The following NEDD4 variants were observed in gnomAD, a reference collection of about 807,000 sequenced individuals.
NEDD4 encodes E3 ubiquitin-protein ligase NEDD4.
In NEDD4, 99 loss-of-function variants were observed where a neutral mutation model predicts 144.9. That is an observed-to-expected ratio of 0.68 (90% CI 0.58 to 0.81). NEDD4 has a LOEUF of 0.81. NEDD4 is among the 30% of genes least tolerant of loss of function. The pLI is 0.00. For synonymous variants in NEDD4, 318 were observed against 350.6 expected, an observed-to-expected ratio of 0.91 and a Z score of 1.04; for missense variants, 985 against 1,065.9, an observed-to-expected ratio of 0.92 and a Z score of 1.06.
chr15:55,958,115 T>A (rs532097387), intron 2 of NEDD4, among the ~76,000 whole-genome samples: 14 of 150,744 alleles, frequency 9.3e-5, no homozygotes, highest in Admixed American at 8.6e-4. Context: ...ACTTAACGTA[T>A]AATAAAAAAA....
At chr15:55,875,245 A>ATT (rs1441956371) in intron 5 of NEDD4, among the ~76,000 whole-genome samples, 1 of 152,236 alleles carries the variant, frequency 6.6e-6, no homozygotes, top group Non-Finnish European at 1.5e-5. Context: ...GTCATAATGA[A>ATT]TGAAAAGATG....
intron 5 of NEDD4, among the ~76,000 whole-genome samples, chr15:55,901,543 A>G (rs1242100883): frequency 6.6e-6 from 1 of 152,152 alleles, no homozygotes; most frequent in Non-Finnish European, 1.5e-5. Context: ...CTTAATTGTT[A>G]ATAGGCTTTA....
chr15:55,954,586 G>A (rs1039290633), intron 2 of NEDD4, among the ~76,000 whole-genome samples: 2 of 151,744 alleles, frequency 1.3e-5, no homozygotes, highest in East Asian at 3.9e-4. Flanking sequence ...ATGCAATGGC[G>A]CGATCTCGGC....
At chr15:55,966,010 A>T (rs2037506160) in intron 2 of NEDD4, among the ~76,000 whole-genome samples, 1 of 151,980 alleles carries the variant, frequency 6.6e-6, no homozygotes, top group Non-Finnish European at 1.5e-5. Context: ...GGCCATGAAG[A>T]CTACAATTTT....
chr15:55,977,457 T>G (rs149511196), intron 1 of NEDD4, among the ~76,000 whole-genome samples: 5 of 152,350 alleles, frequency 3.3e-5, no homozygotes, highest in African/African-American at 7.2e-5. Context: ...GACACATTTC[T>G]CAGAATGTAT....
At position 55,946,061 on chromosome 15, in the gene NEDD4, T is replaced by C. The variant is rs561061906; in HGVS notation, c.237+5315A>G. 6.5e-4 allele frequency among the ~76,000 whole-genome samples: 99 copies of C among 152,268 alleles called. 1 individual carries two copies. In the Middle Eastern group the frequency reaches 0.014, roughly 21 times the overall value. On this transcript the variant is annotated intron_variant, in intron 4 of 28. Coordinates refer to ENST00000435532, the MANE Select transcript of NEDD4 (RefSeq NM_006154.4). The stretch of plus-strand genomic sequence containing the variant: ...GCCACTGCAAAACCATGCCAAATTA[T>C]AAAGATCATCGATGCTATGAAGAAA...
chr15:55,985,335 C>T (rs1170846043), intron 1 of NEDD4, among the ~76,000 whole-genome samples: 1 of 152,112 alleles, frequency 6.6e-6, no homozygotes, highest in Non-Finnish European at 1.5e-5. Context: ...TTGGCATGCT[C>T]GCCAGCACGG....
chr15:55,928,492 T>C (rs150924874), intron 4 of NEDD4, among the ~76,000 whole-genome samples: 277 of 152,354 alleles, frequency 1.8e-3, no homozygotes, highest in Non-Finnish European at 2.2e-3. Flanking sequence ...CCTTGTGTCC[T>C]ACAAATGTCC....
chr15:55,852,973 C>T (rs2142013413), intron 12 of NEDD4, among the ~76,000 whole-genome samples: 1 of 152,068 alleles, frequency 6.6e-6, no homozygotes, highest in East Asian at 1.9e-4. Flanking sequence ...TGGTCTCGAA[C>T]TCCTAATCTC....
At chr15:55,930,495 T>C (rs1244505608) in intron 4 of NEDD4, among the ~76,000 whole-genome samples, 1 of 152,180 alleles carries the variant, frequency 6.6e-6, no homozygotes, top group African/African-American at 2.4e-5. Flanking sequence ...TCCATTCAAC[T>C]AGTTGGAATC....
intron 18 of NEDD4, among the ~76,000 whole-genome samples, chr15:55,843,327 A>G (rs140081916): frequency 1.4e-4 from 22 of 152,360 alleles, no homozygotes; most frequent in Admixed American, 3.3e-4. Context: ...GAAAGCTACT[A>G]TTATTGTCTT....
rs1459488295 is a variant in NEDD4 at position 55,916,116 on chromosome 15, T to A, written c.291+8530A>T. ...AATCTCTAATCCATGTTCCAAGTCA[T>A]CCTGGACAAAAGGATCTGTACTTGT... On this transcript the variant is annotated intron_variant, in intron 5 of 28. Coordinates refer to ENST00000435532, the MANE Select transcript of NEDD4 (RefSeq NM_006154.4). 3 of 1,613,842 alleles carry A rather than the reference T, an allele frequency of 1.9e-6. No homozygotes were observed. The East Asian group carries it at 6.7e-5, about 36-fold the overall frequency.
intron 18 of NEDD4, among the ~76,000 whole-genome samples, chr15:55,843,851 G>C (rs2033624231): frequency 6.6e-6 from 1 of 152,058 alleles, no homozygotes; most frequent in South Asian, 2.1e-4. Flanking sequence ...TGGGCCAGGT[G>C]GTATTGTAGT....
intron 5 of NEDD4, among the ~76,000 whole-genome samples, chr15:55,892,761 CT>C (rs1305903925): frequency 1.3e-5 from 2 of 152,112 alleles, no homozygotes; most frequent in African/African-American, 2.4e-5. Context: ...ATGCAGCTTG[CT>C]TTCCCCCCTT....
chr15:55,903,851 T>C (rs1277199188), intron 5 of NEDD4, among the ~76,000 whole-genome samples: 2,905 of 102,052 alleles, frequency 0.028, 115 homozygotes, highest in African/African-American at 0.088. Context: ...CACACATATA[T>C]ATATATATAT....
At chr15:55,949,267 G>C (rs1164820508) in intron 4 of NEDD4, among the ~76,000 whole-genome samples, 4 of 152,172 alleles carry the variant, frequency 2.6e-5, no homozygotes, top group Non-Finnish European at 5.9e-5. Context: ...TCTCACACCA[G>C]TTAGAATGGC....
chr15:55,953,906 G>A (rs1430456990), intron 2 of NEDD4, among the ~76,000 whole-genome samples: 1 of 152,136 alleles, frequency 6.6e-6, no homozygotes, highest in Non-Finnish European at 1.5e-5. Context: ...ATTTTAAGTA[G>A]AGATTGGATT....
At chr15:55,850,040 C>G (rs965951817) in intron 14 of NEDD4, among the ~76,000 whole-genome samples, 1 of 152,116 alleles carries the variant, frequency 6.6e-6, no homozygotes, top group Non-Finnish European at 1.5e-5. Flanking sequence ...ACCTCGTGAT[C>G]TCCCCCCTCG....
chr15:55,864,017 T>C (rs1482648600), intron 8 of NEDD4, among the ~76,000 whole-genome samples: 2 of 152,160 alleles, frequency 1.3e-5, no homozygotes, highest in African/African-American at 4.8e-5. Flanking sequence ...TTTTAAAAAA[T>C]GCACTGAGAA....
Sources: gnomAD v4.1 joint callset for allele counts (sites outside exome capture counted in the v4.1 genomes callset) on GRCh38, gnomAD v4.1.1 for gene constraint, MANE v1.5 for transcripts, NCBI Gene and HGNC (gene_info 2026-07-23, HGNC 2026-07-21) for gene names.